ROBO1: variants seen among roughly 807,000 people sequenced by gnomAD.
The protein encoded by ROBO1 is roundabout homolog 1.
ROBO1 carries 149 observed loss-of-function variants against 195.9 expected under a neutral mutation model. The ratio of observed to expected loss-of-function variants is 0.76; its 90% CI spans 0.67 to 0.87. The LOEUF is 0.87. Ranked by LOEUF, ROBO1 falls within the 40% of genes least tolerant of loss-of-function variation. The pLI, the probability that ROBO1 is intolerant of heterozygous loss-of-function variation, is 0.00. For missense variants in ROBO1, 1,933 were observed against 2,068.3 expected (o/e 0.93, Z 1.27); for synonymous variants, 816 against 733.2 (o/e 1.11, Z -1.82).
Position 78,727,475 on chromosome 3 carries a change from A to G in ROBO1, c.658-9592T>C, listed in dbSNP as rs2082191393. Among the ~76,000 whole-genome samples the G allele has an allele frequency of 2.0e-5, 3 of 151,978 alleles. No individual in the cohort carries two copies. In the South Asian group the frequency reaches 6.2e-4, roughly 32 times the overall value. On this transcript the variant is annotated intron_variant, in intron 5 of 30. Coordinates refer to ENST00000464233, the MANE Select transcript of ROBO1 (RefSeq NM_002941.4). ...CCCTGTCTCCACTAAAAATACAAAA[A>G]ATTATCCGGGCGTGGTGGCGGCACC...
intron 4 of ROBO1, among the ~76,000 whole-genome samples, chr3:78,828,751 C>T (rs1037478323): frequency 1.3e-5 from 2 of 152,166 alleles, no homozygotes; most frequent in African/African-American, 4.8e-5. Context: ...GGTCAAACAG[C>T]TTGTTAGGCA....
intron 2 of ROBO1, among the ~76,000 whole-genome samples, chr3:79,460,597 T>C (rs1338822787): frequency 1.3e-5 from 2 of 152,196 alleles, no homozygotes; most frequent in Non-Finnish European, 2.9e-5. Flanking sequence ...CTTAAAATTA[T>C]GCCAATTTTT....
intron 4 of ROBO1, among the ~76,000 whole-genome samples, chr3:78,833,180 T>A (rs2032385449): frequency 6.6e-6 from 1 of 151,750 alleles, no homozygotes. Flanking sequence ...ACATGAGAGA[T>A]CATAAGGGCT....
At chr3:79,450,139 G>T (rs1575841307) in intron 2 of ROBO1, among the ~76,000 whole-genome samples, 1 of 147,170 alleles carries the variant, frequency 6.8e-6, no homozygotes, top group African/African-American at 2.6e-5. Flanking sequence ...AAAAAAAAAA[G>T]ACTGGGGTAA....
At chr3:79,140,030 A>C (rs2080491666) in intron 2 of ROBO1, among the ~76,000 whole-genome samples, 2 of 152,144 alleles carry the variant, frequency 1.3e-5, no homozygotes, top group African/African-American at 4.8e-5. Context: ...TAAATGATGG[A>C]TGGGGAATCA....
At chr3:79,390,946 C>G (rs1274173227) in intron 2 of ROBO1, among the ~76,000 whole-genome samples, 1 of 151,972 alleles carries the variant, frequency 6.6e-6, no homozygotes, top group Non-Finnish European at 1.5e-5. Context: ...AAGAAGAACG[C>G]TTTAAGAATA....
chr3:78,686,282 C>T (rs770899897), intron 9 of ROBO1, among the ~76,000 whole-genome samples: 19 of 152,028 alleles, frequency 1.2e-4, no homozygotes, highest in Non-Finnish European at 2.1e-4. Flanking sequence ...TCCGGCCGGG[C>T]GCGGTGGCTT....
intron 2 of ROBO1, among the ~76,000 whole-genome samples, chr3:79,189,925 G>C (rs1461778282): frequency 6.6e-6 from 1 of 151,634 alleles, no homozygotes; most frequent in Non-Finnish European, 1.5e-5. Flanking sequence ...TGGATTTACA[G>C]TAGCCCTTTA....
chr3:79,576,641 A>G (rs1044376439), intron 2 of ROBO1, among the ~76,000 whole-genome samples: 1 of 152,160 alleles, frequency 6.6e-6, no homozygotes, highest in Admixed American at 6.6e-5. Flanking sequence ...AACATTGCCC[A>G]GTTTATTTGC....
intron 2 of ROBO1, among the ~76,000 whole-genome samples, chr3:79,448,853 T>A (rs558290427): frequency 5.9e-5 from 9 of 152,322 alleles, no homozygotes; most frequent in African/African-American, 1.4e-4. Flanking sequence ...CATCATTAAC[T>A]ACGTTCATTG....
intron 2 of ROBO1, among the ~76,000 whole-genome samples, chr3:79,462,794 G>A (rs1937721740): frequency 6.6e-6 from 1 of 152,130 alleles, no homozygotes; most frequent in South Asian, 2.1e-4. Flanking sequence ...TTAGTATTCA[G>A]AGTTTTGTGA....
At chr3:79,527,698 T>C (rs1941489024) in intron 2 of ROBO1, 1 of 151,742 alleles carries the variant, frequency 6.6e-6, no homozygotes, top group Admixed American at 6.6e-5. Flanking sequence ...CCAAGTATAC[T>C]GCCCATGCCA....
intron 10 of ROBO1, among the ~76,000 whole-genome samples, chr3:78,673,602 A>ATATG (rs1708223130): frequency 1.7e-5 from 1 of 59,000 alleles, no homozygotes; most frequent in African/African-American, 6.2e-5. Flanking sequence ...ATATATATAT[A>ATATG]TATACACACA....
At chr3:79,222,910 C>A (rs559994644) in intron 2 of ROBO1, among the ~76,000 whole-genome samples, 12 of 152,266 alleles carry the variant, frequency 7.9e-5, no homozygotes, top group Non-Finnish European at 1.6e-4. Flanking sequence ...GCCTTAAGCT[C>A]TTGCTGTTAC....
intron 2 of ROBO1, among the ~76,000 whole-genome samples, chr3:79,172,513 T>C (rs934477091): frequency 2.0e-5 from 3 of 152,204 alleles, no homozygotes; most frequent in Non-Finnish European, 1.5e-5. Context: ...GATTTCAAAG[T>C]CCTTCAAAGA....
chr3:78,859,190 T>C (rs543491492), intron 4 of ROBO1, among the ~76,000 whole-genome samples: 3 of 152,242 alleles, frequency 2.0e-5, no homozygotes, highest in Non-Finnish European at 4.4e-5. Flanking sequence ...AGCTGGAGTG[T>C]GTTTAGAAGT....
chr3:78,985,124 G>A (rs951342975), intron 3 of ROBO1, among the ~76,000 whole-genome samples: 1 of 152,060 alleles, frequency 6.6e-6, no homozygotes, highest in Non-Finnish European at 1.5e-5. Context: ...GACCAGCCTG[G>A]GCAACATGGC....
chr3:79,614,393 G>A (rs936612699), intron 1 of ROBO1, among the ~76,000 whole-genome samples: 1 of 151,906 alleles, frequency 6.6e-6, no homozygotes, highest in African/African-American at 2.4e-5. Flanking sequence ...AAAGTCAAAA[G>A]AAAAATAAAA....
chr3:78,685,937 A>G lies in ROBO1; in HGVS notation c.1171-20T>C. ...TAGATTCTAGAACCCAGAAATTGGG[A>G]TGGAGGAAAATAAAAATAGGTTAAT... is the stretch of plus-strand genomic sequence containing the variant. On this transcript the variant is annotated intron_variant, in intron 9 of 30. Coordinates refer to ENST00000464233, the MANE Select transcript of ROBO1 (RefSeq NM_002941.4). 1 of 1,526,082 alleles carries G rather than the reference A, an allele frequency of 6.6e-7. No homozygotes were observed. The highest frequency in any genetic ancestry group is 8.9e-7 in the Non-Finnish European group (1 of 1,129,282). The allele number at this position is 1,526,082 out of a possible 1,614,324, so 94.5% of individuals were successfully genotyped here.
Sources: gnomAD v4.1 joint callset for allele counts (sites outside exome capture counted in the v4.1 genomes callset) on GRCh38, gnomAD v4.1.1 for gene constraint, MANE v1.5 for transcripts, NCBI Gene and HGNC (gene_info 2026-07-23, HGNC 2026-07-21) for gene names.